AGPAT4: variants seen among roughly 807,000 people sequenced by gnomAD.
AGPAT4 encodes the protein 1-acylglycerol-3-phosphate O-acyltransferase 4, also known as 1-acyl-sn-glycerol-3-phosphate acyltransferase delta.
Under a neutral mutation model 48.0 loss-of-function variants are expected in AGPAT4, and 15 were observed. The observed-to-expected ratio is 0.31, with a 90% CI of 0.21 to 0.48. AGPAT4 has a LOEUF of 0.48. Among genes scored for constraint, AGPAT4 ranks in the 20% least tolerant of loss-of-function variants. AGPAT4 has a pLI of 0.99. For synonymous variants in AGPAT4, 178 were observed against 198.7 expected (o/e 0.90, Z 0.88); for missense variants, 314 against 482.5 (o/e 0.65, Z 3.27).
At chr6:161,168,125 G>A (rs996956146) in intron 2 of AGPAT4, among the ~76,000 whole-genome samples, 1 of 151,154 alleles carries the variant, frequency 6.6e-6, no homozygotes, top group African/African-American at 2.5e-5. Context: ...GGAAGGCGGT[G>A]GTGGGGTGGG....
rs1288010108 is a variant in AGPAT4, at chr6:161,229,115, T to C, written c.178+2921A>G. 3.3e-5 allele frequency among the ~76,000 whole-genome samples: 5 copies of C among 151,984 alleles called. No homozygotes were observed. The highest frequency in any genetic ancestry group is 5.9e-5 in the Non-Finnish European group (4 of 68,014). On this transcript the variant is annotated intron_variant, in intron 2 of 8. Coordinates refer to ENST00000320285, the MANE Select transcript of AGPAT4 (RefSeq NM_020133.3). This position sits in a 1 kb window ranked among gnomAD's most constrained non-coding sequence, Gnocchi z 6.0. ...GGCTGGTAACTGCTTTGAACTTACT[T>C]GGTAACACACCAAGCTCTTAACAAA... is the stretch of plus-strand genomic sequence containing the variant.
chr6:161,170,105 G>C lies in AGPAT4; in HGVS notation c.179-3688C>G, dbSNP rs995730925. ...TGCAAAAGAACTGATGCAAGTTTTA[G>C]CCCATTCTCATGAGGCTCCCGCTTG... On this transcript the variant is annotated intron_variant, in intron 2 of 8. Coordinates refer to ENST00000320285, the MANE Select transcript of AGPAT4 (RefSeq NM_020133.3). 5.3e-5 allele frequency among the ~76,000 whole-genome samples: 8 copies of C among 152,238 alleles called. No individual in the cohort carries two copies. The East Asian group carries it at 1.4e-3, about 26-fold the overall frequency.
At position 161,177,426 on chromosome 6, in the gene AGPAT4, G is replaced by C. The variant is rs1780458125; in HGVS notation, c.179-11009C>G. ...ATCACTGATATCGTTTCTTCCACTT[G>C]ATCGAATCGGCCACTGAAACTTGTG... On this transcript the variant is annotated intron_variant, in intron 2 of 8. Transcript: ENST00000320285. The surrounding 1 kb of genome is among the most constrained non-coding windows in gnomAD (Gnocchi z 5.0). Among the ~76,000 whole-genome samples, 1 of 152,120 alleles carries C rather than the reference G, an allele frequency of 6.6e-6. No individual in the cohort carries two copies. Among genetic ancestry groups the C allele is most frequent in the African/African-American group, 2.4e-5 (1 of 41,420 alleles).
chr6:161,270,024 T>C lies in AGPAT4; in HGVS notation c.-90+3914A>G, dbSNP rs538352534. Among the ~76,000 whole-genome samples, 2 of 152,356 alleles carry C rather than the reference T, an allele frequency of 1.3e-5. No homozygotes were observed. The highest frequency in any genetic ancestry group is 3.9e-4 in the East Asian group (2 of 5,184). On this transcript the variant is annotated intron_variant, in intron 1 of 8. Coordinates refer to ENST00000320285, the MANE Select transcript of AGPAT4 (RefSeq NM_020133.3). This position sits in a 1 kb window ranked among gnomAD's most constrained non-coding sequence, Gnocchi z 5.3. ...GAAGACAGGTAGATGGATTGTTCCA[T>C]GACAATGTTGAAACAAATTATACTC...
At chr6:161,230,573 T>A (rs1182995413) in intron 2 of AGPAT4, among the ~76,000 whole-genome samples, 5 of 152,228 alleles carry the variant, frequency 3.3e-5, no homozygotes, top group Non-Finnish European at 7.3e-5. Context: ...ACAGTTCCTG[T>A]CCAAATCATC....
chr6:161,174,337 A>C (rs1161525184), intron 2 of AGPAT4, among the ~76,000 whole-genome samples: 1 of 152,124 alleles, frequency 6.6e-6, no homozygotes, highest in East Asian at 1.9e-4. Context: ...AGTGGTTTGT[A>C]GTTCTCCTTG....
At chr6:161,203,206 T>C (rs1781281424) in intron 2 of AGPAT4, among the ~76,000 whole-genome samples, 2 of 152,134 alleles carry the variant, frequency 1.3e-5, no homozygotes, top group South Asian at 4.1e-4. Flanking sequence ...CTCTCTCCCA[T>C]TAGGTTGTCG....
chr6:161,233,109 CCA>C lies in AGPAT4; in HGVS notation c.-89-809_-89-808del, dbSNP rs56226316. Among the ~76,000 whole-genome samples, 12,998 of 146,792 alleles carry C rather than the reference CCA, an allele frequency of 0.089. 651 individuals are homozygous for C. The highest frequency in any genetic ancestry group is 0.21 in the East Asian group (1,038 of 4,926). ...AGACACATAGACACACACACAAACA[CCA>C]CACACACACACACACACACACACAC... On this transcript the variant is annotated intron_variant, in intron 1 of 8. Coordinates refer to ENST00000320285, the MANE Select transcript of AGPAT4 (RefSeq NM_020133.3). The surrounding 1 kb of genome is among the most constrained non-coding windows in gnomAD (Gnocchi z 5.4).
intron 2 of AGPAT4, among the ~76,000 whole-genome samples, chr6:161,186,482 C>T (rs773151473): frequency 3.3e-5 from 5 of 152,096 alleles, no homozygotes; most frequent in Admixed American, 1.3e-4. Flanking sequence ...TGGTTCTGTC[C>T]GCCCACATCT....
chr6:161,134,496 G>A lies in AGPAT4; in HGVS notation c.*2044C>T, dbSNP rs1212150976. On this transcript the variant is annotated 3_prime_UTR_variant, in exon 9 of 9. Transcript: ENST00000320285. ...TTTCTAGTCTTTCATCCTTGGCTTA[G>A]TGCTTTAGGATTCTTAAAGTGTGCT... 1.3e-5 allele frequency: 2 copies of A among 152,120 alleles called. No homozygotes were observed. The highest frequency in any genetic ancestry group is 4.8e-5 in the African/African-American group (2 of 41,420). 9.4% of individuals were successfully genotyped at this position (152,120 alleles called of 1,614,324 possible). A position where few individuals can be genotyped will look rare whatever the true frequency, so the allele number is the denominator to read the frequency against.
At position 161,134,408 on chromosome 6, in the gene AGPAT4, A is replaced by G. The variant is rs1778997559; in HGVS notation, c.*2132T>C. 6.6e-6 allele frequency: 1 copy of G among 152,226 alleles called. No homozygotes were observed. The highest frequency in any genetic ancestry group is 1.5e-5 in the Non-Finnish European group (1 of 68,046). 9.4% of individuals were successfully genotyped at this position (152,226 alleles called of 1,614,324 possible). A position where few individuals can be genotyped will look rare whatever the true frequency, so the allele number is the denominator to read the frequency against. ...TGGAAGAATGAAAATGAGAAAAATA[A>G]CACATTTTTAGTACGACAAGAAAAT... On this transcript the variant is annotated 3_prime_UTR_variant, in exon 9 of 9. Transcript: ENST00000320285.
rs1486170921 is a variant in AGPAT4 at position 161,202,326 on chromosome 6, C to T, written c.178+29710G>A. ...TTGGCTGTAGATCTCAATTCCTCTT[C>T]TCATGGGCCCGTCTGAGTGATGCCT... On this transcript the variant is annotated intron_variant, in intron 2 of 8. Transcript: ENST00000320285. The surrounding 1 kb of genome is among the most constrained non-coding windows in gnomAD (Gnocchi z 5.4). Among the ~76,000 whole-genome samples the T allele has an allele frequency of 6.6e-6, 1 of 151,940 alleles. No individual in the cohort carries two copies. Among genetic ancestry groups the T allele is most frequent in the Non-Finnish European group, 1.5e-5 (1 of 67,998 alleles).
Position 161,232,686 on chromosome 6 carries a change from C to G in AGPAT4, c.-89-384G>C, listed in dbSNP as rs1234630505. 6.6e-6 allele frequency among the ~76,000 whole-genome samples: 1 copy of G among 152,168 alleles called. No individual in the cohort carries two copies. The highest frequency in any genetic ancestry group is 2.4e-5 in the African/African-American group (1 of 41,444). ...ACAGGACAGGCCGCAAATCCGGCCT[C>G]CCCTCCTGCTGCCATCGCGGCCTGA... On this transcript the variant is annotated intron_variant, in intron 1 of 8. Transcript: ENST00000320285. This position sits in a 1 kb window ranked among gnomAD's most constrained non-coding sequence, Gnocchi z 6.8.
Position 161,161,556 on chromosome 6 carries a change from G to T in AGPAT4, c.348+4692C>A, listed in dbSNP as rs1455594272. 8.8e-6 allele frequency: 4 copies of T among 452,322 alleles called. No individual in the cohort carries two copies. The highest frequency in any genetic ancestry group is 1.8e-5 in the Non-Finnish European group (4 of 224,228). 28.0% of individuals were successfully genotyped at this position (452,322 alleles called of 1,614,324 possible). On this transcript the variant is annotated intron_variant, in intron 3 of 8. Transcript: ENST00000320285. The surrounding 1 kb of genome is among the most constrained non-coding windows in gnomAD (Gnocchi z 4.6). ...TCTGCCATAGGCTCAGGTGATGCCA[G>T]CAGTGAGCAGGGTGCAAGACCACCC... is the stretch of plus-strand genomic sequence containing the variant.
chr6:161,138,914 G>A lies in AGPAT4; in HGVS notation c.1042+508C>T, dbSNP rs1362825099. On this transcript the variant is annotated intron_variant, in intron 8 of 8. Transcript: ENST00000320285. The surrounding 1 kb of genome is among the most constrained non-coding windows in gnomAD (Gnocchi z 4.8). The stretch of plus-strand genomic sequence containing the variant: ...GAAGCAGCAGTAGCCCGAGAATACC[G>A]GTCACCTGGAGCCAGCGCAGACCCA... 1.3e-5 allele frequency among the ~76,000 whole-genome samples: 2 copies of A among 152,008 alleles called. No individual in the cohort carries two copies. Among genetic ancestry groups the A allele is most frequent in the Admixed American group, 6.5e-5 (1 of 15,270 alleles).
At position 161,178,267 on chromosome 6, in the gene AGPAT4, TGCGGTGGGCTCCACCCAATTCAAGC is replaced by T. The variant is rs553227253; in HGVS notation, c.179-11875_179-11851del. On this transcript the variant is annotated intron_variant, in intron 2 of 8. Coordinates refer to ENST00000320285, the MANE Select transcript of AGPAT4 (RefSeq NM_020133.3). The surrounding 1 kb of genome is among the most constrained non-coding windows in gnomAD (Gnocchi z 5.1). ...CAGAGGCATGCAGGCCTCCTTGAGCTGCGGTGGGCTCCACCCAATTCAAGCTTCCCAGCCACTTTGTTTACCTACT... is the reference window on the plus strand; with the variant it reads ...CAGAGGCATGCAGGCCTCCTTGAGCTTTCCCAGCCACTTTGTTTACCTACT... Among the ~76,000 whole-genome samples, 47 of 152,312 alleles carry T rather than the reference TGCGGTGGGCTCCACCCAATTCAAGC, an allele frequency of 3.1e-4. No homozygotes were observed. Among genetic ancestry groups the T allele is most frequent in the Admixed American group, 1.2e-3 (19 of 15,302 alleles).
At chr6:161,167,430 G>C (rs574377832) in intron 2 of AGPAT4, among the ~76,000 whole-genome samples, 35 of 152,220 alleles carry the variant, frequency 2.3e-4, no homozygotes, top group African/African-American at 8.2e-4. Context: ...GTTTTGCCAT[G>C]CTGCCTACTG....
intron 2 of AGPAT4, among the ~76,000 whole-genome samples, chr6:161,190,386 C>A (rs1780886167): frequency 6.6e-6 from 1 of 152,070 alleles, no homozygotes; most frequent in South Asian, 2.1e-4. Context: ...CTTAAAAGTG[C>A]TCTTAAAAAA....
intron 1 of AGPAT4, among the ~76,000 whole-genome samples, chr6:161,269,489 C>T (rs551747217): frequency 1.3e-5 from 2 of 152,240 alleles, no homozygotes; most frequent in African/African-American, 2.4e-5. Flanking sequence ...GAAGTGATAC[C>T]GCCAGGGCAG....
Sources: allele counts gnomAD v4.1 joint callset (sites outside exome capture counted in the v4.1 genomes callset), GRCh38; gene constraint gnomAD v4.1.1; non-coding constraint Gnocchi (gnomAD v3.1); transcripts MANE v1.5; gene names NCBI Gene and HGNC (gene_info 2026-07-23, HGNC 2026-07-21).